The following STX18 variants were observed in gnomAD, a reference collection of about 807,000 sequenced individuals.
The protein encoded by STX18 is syntaxin 18.
Under a neutral mutation model 50.1 loss-of-function variants are expected in STX18, and 40 were observed. The ratio of observed to expected loss-of-function variants is 0.80; its 90% CI spans 0.62 to 1.04. The LOEUF (loss-of-function observed/expected upper bound fraction) is 1.04, where lower values mean the gene tolerates loss of function less well. Ranked by LOEUF, STX18 falls within the 50% of genes least tolerant of loss-of-function variation. The pLI is 0.00. For synonymous variants in STX18, 158 were observed against 151.8 expected (o/e 1.04, Z -0.30); for missense variants, 410 against 415.8 (o/e 0.99, Z 0.12).
At chr4:4,439,013 A>G (rs914260670) in intron 5 of STX18, among the ~76,000 whole-genome samples, 2 of 149,380 alleles carry the variant, frequency 1.3e-5, no homozygotes, top group African/African-American at 2.5e-5. Context: ...ACACACATAT[A>G]TACCACATAT....
chr4:4,505,797 A>G (rs181670512), intron 1 of STX18, among the ~76,000 whole-genome samples: 1 of 152,244 alleles, frequency 6.6e-6, no homozygotes, highest in East Asian at 1.9e-4. Flanking sequence ...AAACAAAAAC[A>G]AAAACGAAAA....
At chr4:4,424,443 G>A (rs1577308818) in intron 8 of STX18, among the ~76,000 whole-genome samples, 1 of 152,166 alleles carries the variant, frequency 6.6e-6, no homozygotes, top group African/African-American at 2.4e-5. Context: ...GGAGTAGCGG[G>A]GTGGGGGCGG....
chr4:4,461,080 C>T (rs1727351990), intron 2 of STX18, among the ~76,000 whole-genome samples: 1 of 152,162 alleles, frequency 6.6e-6, no homozygotes, highest in Non-Finnish European at 1.5e-5. Context: ...CAAGAACATT[C>T]GATTAACATC....
At chr4:4,538,010 C>A (rs1183421407) in intron 1 of STX18, among the ~76,000 whole-genome samples, 2 of 151,900 alleles carry the variant, frequency 1.3e-5, no homozygotes, top group Admixed American at 1.3e-4. Context: ...GTGCTATGAC[C>A]TCAACTGCTA....
At chr4:4,501,148 G>A (rs900799580) in intron 1 of STX18, among the ~76,000 whole-genome samples, 2 of 152,178 alleles carry the variant, frequency 1.3e-5, no homozygotes, top group African/African-American at 2.4e-5. Context: ...ATGCTGTAAT[G>A]AACATCTTTT....
At chr4:4,504,069 C>T (rs1200228870) in intron 1 of STX18, among the ~76,000 whole-genome samples, 3 of 152,106 alleles carry the variant, frequency 2.0e-5, no homozygotes, top group Non-Finnish European at 4.4e-5. Context: ...GGGAGAAAAA[C>T]ACTAAACACG....
chr4:4,424,838 T>C lies in STX18; in HGVS notation c.761+326A>G, dbSNP rs1310618116. On this transcript the variant is annotated intron_variant, in intron 8 of 10. Transcript: ENST00000306200. ...GCCCTTCATAAGGGCCCCATTTCAT[T>C]TCAGAGTCGCTGCGTGGAAACAGCC... 2.8e-4 allele frequency among the ~76,000 whole-genome samples: 42 copies of C among 152,288 alleles called. 1 individual carries two copies. The highest frequency in any genetic ancestry group is 2.7e-3 in the Admixed American group (42 of 15,304).
intron 7 of STX18, chr4:4,425,948 G>C (rs1394382638): frequency 6.6e-6 from 1 of 152,438 alleles, no homozygotes; most frequent in East Asian, 1.9e-4. Flanking sequence ...AGAATGGACA[G>C]GAACAGCTCC....
intron 5 of STX18, among the ~76,000 whole-genome samples, chr4:4,447,858 A>G (rs955475035): frequency 6.6e-6 from 1 of 152,146 alleles, no homozygotes; most frequent in African/African-American, 2.4e-5. Flanking sequence ...TTTTCCTCTG[A>G]CAAGATGCAG....
chr4:4,434,777 A>G lies in STX18; in HGVS notation c.695T>C (p.Ile232Thr). 1 of 1,605,564 alleles carries G rather than the reference A, an allele frequency of 6.2e-7. No homozygotes were observed. ...GGCAGAGAATAGCATTACCATTTGT[A>G]TTTCTTCTGGGGATAACTCATCTTC... Reference protein sequence around the residue: ...KGEDELSPEEIQMFEQENQRL... With the variant: ...KGEDELSPEETQMFEQENQRL... The change falls in exon 7 of 11, where the codon ATA becomes ACA. Residue 232 changes from isoleucine to threonine, a missense_variant. Transcript: ENST00000306200.
At chr4:4,435,874 G>A (rs1560162326) in intron 6 of STX18, among the ~76,000 whole-genome samples, 1 of 152,186 alleles carries the variant, frequency 6.6e-6, no homozygotes, top group African/African-American at 2.4e-5. Context: ...CCAGGATGAC[G>A]GTAAGAGGTC....
At chr4:4,443,243 AT>A (rs1364279817) in intron 5 of STX18, among the ~76,000 whole-genome samples, 1 of 152,262 alleles carries the variant, frequency 6.6e-6, no homozygotes, top group African/African-American at 2.4e-5. Context: ...TTCAATTTTA[AT>A]ATGGCAAAGG....
At chr4:4,488,575 C>T (rs1469764461) in intron 1 of STX18, among the ~76,000 whole-genome samples, 1 of 152,148 alleles carries the variant, frequency 6.6e-6, no homozygotes, top group Non-Finnish European at 1.5e-5. Context: ...GGGTCCCATC[C>T]ACTAGGTGGT....
At chr4:4,537,037 T>C (rs928262818) in intron 1 of STX18, among the ~76,000 whole-genome samples, 9 of 152,258 alleles carry the variant, frequency 5.9e-5, no homozygotes, top group African/African-American at 9.6e-5. Flanking sequence ...CCTGCTTTCC[T>C]GTGCGGTGCT....
intron 9 of STX18, 105 bp from the exon 10 acceptor site, chr4:4,421,049 A>G: frequency 1.7e-6 from 2 of 1,180,018 alleles, no homozygotes; most frequent in South Asian, 2.5e-5. Flanking sequence ...CAGCGCTCAG[A>G]AAGTTTCAGA....
chr4:4,509,089 T>C (rs1230382311), intron 1 of STX18, among the ~76,000 whole-genome samples: 3 of 152,214 alleles, frequency 2.0e-5, no homozygotes, highest in Admixed American at 6.5e-5. Flanking sequence ...ACTAATGGGA[T>C]TGCTAGGTCA....
At chr4:4,487,792 GCTCA>G (rs1327858250) in intron 1 of STX18, among the ~76,000 whole-genome samples, 3 of 152,030 alleles carry the variant, frequency 2.0e-5, no homozygotes, top group African/African-American at 7.2e-5. Flanking sequence ...CCAGGAATAC[GCTCA>G]CTCTTTTTGT....
At chr4:4,461,952 C>G (rs780736759) in intron 2 of STX18, 23 of 456,212 alleles carry the variant, frequency 5.0e-5, no homozygotes, top group Non-Finnish European at 9.7e-5. Context: ...TCCTATGTTG[C>G]AAAGGGGCCT....
intron 1 of STX18, chr4:4,507,643 G>T: frequency 1.3e-6 from 1 of 775,304 alleles, no homozygotes; most frequent in Non-Finnish European, 2.4e-6. Flanking sequence ...CACGTGAACT[G>T]GATGGCAGCC....
Sources: allele counts gnomAD v4.1 joint callset (sites outside exome capture counted in the v4.1 genomes callset), GRCh38; gene constraint gnomAD v4.1.1; transcripts MANE v1.5; gene names NCBI Gene and HGNC (gene_info 2026-07-23, HGNC 2026-07-21).